The following VPS35L variants were observed in gnomAD, a reference collection of about 807,000 sequenced individuals.
VPS35L encodes VPS35 endosomal protein-sorting factor-like.
Under a neutral mutation model 133.0 loss-of-function variants are expected in VPS35L, and 83 were observed. That is an observed-to-expected ratio of 0.62 (90% CI 0.52 to 0.75). VPS35L has a LOEUF of 0.75. VPS35L is among the 30% of genes least tolerant of loss of function. The probability of loss-of-function intolerance (pLI) is 0.00; values close to 1 mark genes in which losing one functional copy is unlikely to be tolerated. For missense variants in VPS35L, 1,083 were observed against 1,206.8 expected (o/e 0.90, Z 1.52); for synonymous variants, 423 against 449.9 (o/e 0.94, Z 0.76).
chr16:19,679,491 ATTTATTTATTTATTTATTTATTTATTTT>A (rs1346338075), intron 27 of VPS35L, among the ~76,000 whole-genome samples: 2 of 133,568 alleles, frequency 1.5e-5, no homozygotes, highest in East Asian at 2.2e-4. Context: ...TTATTTATTT[ATTTATTTATTTATTTATTTATTTATTTT>A]TTTGGAGACA....
rs1973384630 is a variant in VPS35L, at chr16:19,629,753, C to G, written c.1501-14C>G. 2 of 1,612,178 alleles carry G rather than the reference C, an allele frequency of 1.2e-6. No homozygotes were observed. Among genetic ancestry groups the G allele is most frequent in the Non-Finnish European group, 1.7e-6 (2 of 1,178,334 alleles). On this transcript the variant is annotated splice_polypyrimidine_tract_variant and intron_variant, in intron 17 of 30. Transcript: ENST00000417362. ...TTGTACTTAATGTTAAGATGTTTTC[C>G]TTTCTCTTTGTAGGACTACATTAAT...
intron 8 of VPS35L, among the ~76,000 whole-genome samples, chr16:19,597,064 A>G (rs954080247): frequency 1.3e-5 from 2 of 148,512 alleles, no homozygotes; most frequent in Non-Finnish European, 3.0e-5. Flanking sequence ...ACAACAACAA[A>G]GAAGGGAAGG....
intron 29 of VPS35L, among the ~76,000 whole-genome samples, chr16:19,691,941 C>T (rs1975704635): frequency 6.6e-6 from 1 of 151,272 alleles, no homozygotes; most frequent in Admixed American, 6.6e-5. Flanking sequence ...GTGGCATAAT[C>T]TCGGCTCACT....
chr16:19,560,812 T>C (rs904913294), intron 1 of VPS35L, among the ~76,000 whole-genome samples: 3 of 151,788 alleles, frequency 2.0e-5, no homozygotes, highest in African/African-American at 7.3e-5. Context: ...AAAAAGTGAT[T>C]TGAAAAGAGG....
chr16:19,699,137 G>A lies in VPS35L; in HGVS notation c.2647-365G>A, dbSNP rs1177164455. The stretch of plus-strand genomic sequence containing the variant: ...AGGACACATCTGAAAGAGGTGAGCT[G>A]AAGCCTTTCAGTTTTCAGCTGTACT... On this transcript the variant is annotated intron_variant, in intron 29 of 30. Coordinates refer to ENST00000417362, the MANE Select transcript of VPS35L (RefSeq NM_020314.7). The surrounding 1 kb of genome is among the most constrained non-coding windows in gnomAD (Gnocchi z 4.2). 6.6e-6 allele frequency among the ~76,000 whole-genome samples: 1 copy of A among 152,172 alleles called. No homozygotes were observed. Among genetic ancestry groups the A allele is most frequent in the African/African-American group, 2.4e-5 (1 of 41,444 alleles).
intron 1 of VPS35L, among the ~76,000 whole-genome samples, chr16:19,558,690 G>A (rs1158908574): frequency 1.3e-5 from 2 of 152,110 alleles, no homozygotes; most frequent in African/African-American, 4.8e-5. Context: ...GGAGGCTGAG[G>A]CGGGTGGATC....
At position 19,575,263 on chromosome 16, in the gene VPS35L, C is replaced by T. The variant is rs189476981; in HGVS notation, c.433+141C>T. On this transcript the variant is annotated intron_variant, in intron 5 of 30. Transcript: ENST00000417362. The stretch of plus-strand genomic sequence containing the variant: ...TGCTATTTCTTAGATTGTGGATAGA[C>T]GTAGAAATAAAATACATATTTAGAG... 2,366 of 772,672 alleles carry T rather than the reference C, an allele frequency of 3.1e-3. 9 individuals carry two copies. Among genetic ancestry groups the T allele is most frequent in the Middle Eastern group, 3.6e-3 (10 of 2,802 alleles). 47.9% of individuals were successfully genotyped at this position (772,672 alleles called of 1,614,324 possible).
chr16:19,580,248 G>A lies in VPS35L; in HGVS notation c.510+1120G>A, dbSNP rs865803840. ...CCTGCCTCAGCCTCCCGAGTAACTG[G>A]GATTACAGGCACGCGCCACCGTGCC... On this transcript the variant is annotated intron_variant, in intron 6 of 30. Coordinates refer to ENST00000417362, the MANE Select transcript of VPS35L (RefSeq NM_020314.7). Among the ~76,000 whole-genome samples the A allele has an allele frequency of 1.1e-4, 16 of 151,280 alleles. 1 individual carries two copies. Among genetic ancestry groups the A allele is most frequent in the African/African-American group, 2.4e-4 (10 of 41,274 alleles).
intron 1 of VPS35L, 90 bp from the exon 2 acceptor site, chr16:19,564,756 TCTAAA>T: frequency 1.1e-6 from 1 of 870,608 alleles, no homozygotes; most frequent in East Asian, 2.6e-5. Flanking sequence ...ATTGTGCTGT[TCTAAA>T]CTACCTTGTC....
chr16:19,587,945 G>A (rs1273971964), intron 7 of VPS35L, among the ~76,000 whole-genome samples: 10 of 151,280 alleles, frequency 6.6e-5, no homozygotes, highest in Admixed American at 5.9e-4. Flanking sequence ...GATTATAGGT[G>A]TGCACCACCA....
intron 22 of VPS35L, among the ~76,000 whole-genome samples, chr16:19,644,097 A>AT (rs985353074): frequency 5.9e-5 from 9 of 151,362 alleles, no homozygotes; most frequent in South Asian, 4.2e-4. Flanking sequence ...GCTCTTAAAA[A>AT]TTTTTTTTTT....
At chr16:19,594,658 A>AAAAAG (rs1290003401) in intron 8 of VPS35L, among the ~76,000 whole-genome samples, 3 of 150,012 alleles carry the variant, frequency 2.0e-5, no homozygotes, top group Admixed American at 1.3e-4. Flanking sequence ...AAAAAAAAAA[A>AAAAAG]AAAAAAAAAA....
intron 27 of VPS35L, among the ~76,000 whole-genome samples, chr16:19,674,099 A>C (rs1211867450): frequency 2.7e-5 from 4 of 148,612 alleles, no homozygotes; most frequent in Admixed American, 1.3e-4. Context: ...GATGCGCCAC[A>C]CCTGAGCCAT....
chr16:19,575,952 T>C (rs1971519977), intron 5 of VPS35L, among the ~76,000 whole-genome samples: 1 of 146,866 alleles, frequency 6.8e-6, no homozygotes, highest in African/African-American at 2.5e-5. Context: ...GGTCAGGAGT[T>C]CGAGACCAGC....
chr16:19,604,256 T>C (rs1323678459), intron 9 of VPS35L, among the ~76,000 whole-genome samples: 1 of 152,036 alleles, frequency 6.6e-6, no homozygotes, highest in East Asian at 1.9e-4. Context: ...CCCAGAAGCA[T>C]TTGAATTTGC....
At chr16:19,696,169 C>T (rs546996000) in intron 29 of VPS35L, among the ~76,000 whole-genome samples, 42 of 152,282 alleles carry the variant, frequency 2.8e-4, no homozygotes, top group African/African-American at 9.9e-4. Flanking sequence ...CAGGCATAAG[C>T]CACCGTGCCC....
At chr16:19,646,863 C>G (rs1973967234) in intron 23 of VPS35L, among the ~76,000 whole-genome samples, 1 of 152,012 alleles carries the variant, frequency 6.6e-6, no homozygotes, top group Admixed American at 6.6e-5. Flanking sequence ...TTGGGAACAT[C>G]CCACCATTAT....
chr16:19,627,890 C>A, intron 16 of VPS35L, 85 bp downstream of exon 16: 1 of 1,012,848 alleles, frequency 9.9e-7, no homozygotes, highest in Non-Finnish European at 1.5e-6. Context: ...GTTTTGGGAA[C>A]AGCATGGGCC....
In VPS35L at chr16:19,639,098, A is replaced by G. The variant is rs967805750; in HGVS notation, c.1699-917A>G. ...CAAACAAATAAAATGCAATAAAAAT[A>G]AAAATGAAAATGAATGAAGTGCTTA... On this transcript the variant is annotated intron_variant, in intron 20 of 30. Transcript: ENST00000417362. This position sits in a 1 kb window ranked among gnomAD's most constrained non-coding sequence, Gnocchi z 4.1. Among the ~76,000 whole-genome samples the G allele has an allele frequency of 6.6e-6, 1 of 152,210 alleles. No homozygotes were observed. Among genetic ancestry groups the G allele is most frequent in the African/African-American group, 2.4e-5 (1 of 41,464 alleles).
Sources: allele counts gnomAD v4.1 joint callset (sites outside exome capture counted in the v4.1 genomes callset), GRCh38; gene constraint gnomAD v4.1.1; non-coding constraint Gnocchi (gnomAD v3.1); transcripts MANE v1.5; gene names NCBI Gene and HGNC (gene_info 2026-07-23, HGNC 2026-07-21).